Variants in ZNF800 observed in about 807,000 individuals in gnomAD.
ZNF800 encodes the protein zinc finger protein 800.
Under a neutral mutation model 59.5 loss-of-function variants are expected in ZNF800, and 13 were observed. That is an observed-to-expected ratio of 0.22 (90% CI 0.14 to 0.35). The LOEUF (loss-of-function observed/expected upper bound fraction) is 0.35. Among genes scored for constraint, ZNF800 ranks in the 10% least tolerant of loss-of-function variants. ZNF800 has a pLI of 1.00. For synonymous variants in ZNF800, 266 were observed against 265.7 expected, an observed-to-expected ratio of 1.00 and a Z score of -0.01; for missense variants, 621 against 783.7, an observed-to-expected ratio of 0.79 and a Z score of 2.48.
chr7:127,347,389 T>TGGGGGGGGGGGGGGGGGG (rs1163306523), exon 2 of ZNF800: 1 of 37,118 alleles, frequency 2.7e-5, no homozygotes, highest in Non-Finnish European at 5.3e-5. Context: ...GGCGGGGGGG[T>TGGGGGGGGGGGGGGGGGG]GGGGAGGTGG....
intron 1 of ZNF800, chr7:127,361,598 C>T (rs1428605960): frequency 1.3e-5 from 2 of 151,794 alleles, no homozygotes; most frequent in Non-Finnish European, 2.9e-5. Context: ...TGGCCTCAGA[C>T]ATGAAAAAAA....
At chr7:127,391,906 G>A (rs1399722662) in intron 1 of ZNF800, among the ~76,000 whole-genome samples, 154 bp downstream of exon 1, 2 of 151,290 alleles carry the variant, frequency 1.3e-5, no homozygotes, top group East Asian at 2.0e-4. Flanking sequence ...CGCGGAAACG[G>A]AGCGCAGAGC....
rs577977623 is a variant in ZNF800, at chr7:127,384,227, C to CTTTTTTTTTTTTTTTTTTT, written c.157+1814_157+1832dup. On this transcript the variant is annotated intron_variant, in intron 3 of 5. Transcript: ENST00000265827. ...CTTATGACTTAACTAATTCTAACTTCTTTTTTTTTTTTTTTTTTTTTTTTT... is the reference window on the plus strand; with the variant it reads ...CTTATGACTTAACTAATTCTAACTTCTTTTTTTTTTTTTTTTTTTTTTTTTTTTTTTTTTTTTTTTTTTT... Among the ~76,000 whole-genome samples the CTTTTTTTTTTTTTTTTTTT allele has an allele frequency of 2.1e-3, 132 of 63,368 alleles. 35 individuals carry two copies. Among genetic ancestry groups the CTTTTTTTTTTTTTTTTTTT allele is most frequent in the East Asian group, 5.0e-3 (7 of 1,390 alleles). The allele number at this position is 63,368 out of a possible 152,430, so 41.6% of individuals were successfully genotyped here.
Position 127,354,280 on chromosome 7 carries a change from TGAAA to T in ZNF800, n.225-6241_225-6238del, listed in dbSNP as rs1298390791. On this transcript the variant is annotated intron_variant and non_coding_transcript_variant, in intron 1 of 1. Coordinates refer to the ZNF800 transcript ENST00000485577. ...TCATAAATCAGTGACCCTCTCTTCC[TGAAA>T]GAAATGTGAAATACTACATCATGTT... Among the ~76,000 whole-genome samples the T allele has an allele frequency of 1.9e-4, 29 of 152,110 alleles. 1 individual carries two copies. The highest frequency in any genetic ancestry group is 6.3e-4 in the African/African-American group (26 of 41,432).
chr7:127,358,177 T>C (rs1800312120), intron 1 of ZNF800, among the ~76,000 whole-genome samples: 1 of 151,832 alleles, frequency 6.6e-6, no homozygotes, highest in African/African-American at 2.4e-5. Flanking sequence ...ATTCAGCATT[T>C]CCCCCTGGAA....
chr7:127,343,301 A>T (rs1464571593), downstream of ZNF800, among the ~76,000 whole-genome samples: 1 of 151,826 alleles, frequency 6.6e-6, no homozygotes, highest in Non-Finnish European at 1.5e-5. Flanking sequence ...TTCCTTAAAA[A>T]GACTGGCAAG....
chr7:127,372,904 A>G, intron 5 of ZNF800: 1 of 984,924 alleles, frequency 1.0e-6, no homozygotes, highest in Non-Finnish European at 1.2e-6. Context: ...TTTTTCCTAT[A>G]GTTATCGCCT....
Position 127,392,483 on chromosome 7 carries a change from C to T in ZNF800, c.-482G>A. ...CGCAACCCGGGTCCCACCAGCGCCG[C>T]TCCACCTGCAACGGTCCCTCAGGCT... On this transcript the variant is annotated 5_prime_UTR_variant, in exon 1 of 6. Transcript: ENST00000265827. 2.8e-6 allele frequency: 1 copy of T among 359,874 alleles called. No individual in the cohort carries two copies. Among genetic ancestry groups the T allele is most frequent in the Non-Finnish European group, 5.0e-6 (1 of 201,324 alleles). 22.3% of individuals were successfully genotyped at this position (359,874 alleles called of 1,614,324 possible). A position where few individuals can be genotyped will look rare whatever the true frequency, so the allele number is the denominator to read the frequency against.
intron 5 of ZNF800, 58 bp downstream of exon 5, chr7:127,373,284 G>T (rs554318069): frequency 4.6e-6 from 7 of 1,524,310 alleles, no homozygotes; most frequent in East Asian, 2.3e-5. Flanking sequence ...ATGGTCAAAT[G>T]ATTTTTTTTT....
At chr7:127,356,948 C>T (rs1800283573) in intron 1 of ZNF800, among the ~76,000 whole-genome samples, 1 of 151,914 alleles carries the variant, frequency 6.6e-6, no homozygotes, top group African/African-American at 2.4e-5. Context: ...GGAATTCTTT[C>T]CTTTAAAGGC....
intron 2 of ZNF800, among the ~76,000 whole-genome samples, chr7:127,391,215 A>C (rs1320312821): frequency 6.6e-6 from 1 of 152,194 alleles, no homozygotes; most frequent in African/African-American, 2.4e-5. Context: ...CCATAGGAGT[A>C]TATTAACTGC....
chr7:127,374,295 C>A lies in ZNF800; in HGVS notation c.1041G>T (p.Lys347Asn). Residue 347 changes from lysine (K) to asparagine (N), a missense_variant, in exon 5 of 6, where the codon AAG becomes AAT. Transcript: ENST00000265827. The part of the protein sequence containing the change: ...PKKSFKTRKQ[K>N]SSSKAEYNLT... Reference sequence around the variant, plus strand: ...AATTGTATTCAGCCTTTGAAGAAGACTTTTGTTTTCGAGTCTTAAAAGATT... The same window carrying A: ...AATTGTATTCAGCCTTTGAAGAAGAATTTTGTTTTCGAGTCTTAAAAGATT... 1.2e-6 allele frequency: 2 copies of A among 1,613,224 alleles called. No individual in the cohort carries two copies. The highest frequency in any genetic ancestry group is 1.3e-5 in the African/African-American group (1 of 74,942).
intron 3 of ZNF800, among the ~76,000 whole-genome samples, chr7:127,385,722 T>C (rs1801120812): frequency 6.6e-6 from 1 of 152,130 alleles, no homozygotes; most frequent in Non-Finnish European, 1.5e-5. Context: ...CCCAGAATAA[T>C]TTACTGCCTT....
chr7:127,356,877 T>C (rs1298251816), intron 1 of ZNF800, among the ~76,000 whole-genome samples: 1 of 152,062 alleles, frequency 6.6e-6, no homozygotes, highest in Non-Finnish European at 1.5e-5. Context: ...TTGACTTCAG[T>C]TTTTAGGAGT....
intron 2 of ZNF800, among the ~76,000 whole-genome samples, chr7:127,387,906 G>A (rs1292030883): frequency 3.7e-5 from 5 of 133,844 alleles, no homozygotes; most frequent in Admixed American, 7.8e-5. Flanking sequence ...GTGTATTTTA[G>A]ATTAATTAAG....
At chr7:127,349,543 A>G (rs1357645601) in intron 1 of ZNF800, among the ~76,000 whole-genome samples, 1 of 152,162 alleles carries the variant, frequency 6.6e-6, no homozygotes, top group Non-Finnish European at 1.5e-5. Context: ...TGTTTATTGG[A>G]ATGTTGCTTT....
chr7:127,375,413 A>G (rs1800764705), intron 4 of ZNF800, among the ~76,000 whole-genome samples: 1 of 152,092 alleles, frequency 6.6e-6, no homozygotes, highest in Non-Finnish European at 1.5e-5. Flanking sequence ...TCAATTGATA[A>G]AACAGCATGA....
intron 1 of ZNF800, chr7:127,359,937 CTT>C (rs1253705850): frequency 4.1e-5 from 6 of 147,714 alleles, no homozygotes; most frequent in African/African-American, 1.5e-4. Flanking sequence ...AAAAGGAAAT[CTT>C]TTAAAATGTA....
chr7:127,365,662 G>C (rs555614922), downstream of ZNF800, among the ~76,000 whole-genome samples: 1 of 152,060 alleles, frequency 6.6e-6, no homozygotes, highest in African/African-American at 2.4e-5. Flanking sequence ...CAGCAAATTC[G>C]TGAACAATTA....
Sources: allele counts gnomAD v4.1 joint callset (sites outside exome capture counted in the v4.1 genomes callset), GRCh38; gene constraint gnomAD v4.1.1; transcripts MANE v1.5; gene names NCBI Gene and HGNC (gene_info 2026-07-23, HGNC 2026-07-21).